The following PSD3 variants were observed in gnomAD, a reference collection of about 807,000 sequenced individuals.
The protein encoded by PSD3 is pleckstrin and Sec7 domain containing 3, also known as PH and SEC7 domain-containing protein 3.
Under a neutral mutation model 105.5 loss-of-function variants are expected in PSD3, and 49 were observed. The observed-to-expected ratio is 0.46, with a 90% confidence interval of 0.37 to 0.59. PSD3 has a LOEUF of 0.59. PSD3 is among the 20% of genes least tolerant of loss of function. The pLI is 0.00. For synonymous variants in PSD3, 557 were observed against 457.8 expected (o/e 1.22, Z -2.77); for missense variants, 1,561 against 1,263.8 (o/e 1.24, Z -3.57).
chr8:18,993,093 C>T (rs182652638), intron 1 of PSD3, among the ~76,000 whole-genome samples: 2 of 152,124 alleles, frequency 1.3e-5, no homozygotes, highest in Middle Eastern at 3.4e-3. Context: ...AGCCTCTGTC[C>T]CATTAAAATT....
chr8:18,561,488 C>G (rs970336180), intron 14 of PSD3, among the ~76,000 whole-genome samples: 5 of 151,984 alleles, frequency 3.3e-5, no homozygotes, highest in African/African-American at 1.2e-4. Flanking sequence ...TGGGGACATG[C>G]TGGTCAAAGG....
At chr8:18,648,310 T>C (rs898164215) in intron 10 of PSD3, among the ~76,000 whole-genome samples, 2 of 152,100 alleles carry the variant, frequency 1.3e-5, no homozygotes, top group African/African-American at 2.4e-5. Context: ...GTCCAGGCTG[T>C]GGAGGTATCA....
chr8:18,665,455 C>G (rs1585550384), intron 9 of PSD3, among the ~76,000 whole-genome samples: 1 of 152,136 alleles, frequency 6.6e-6, no homozygotes. Context: ...AAAACATGAA[C>G]AGATGAGGAT....
intron 8 of PSD3, among the ~76,000 whole-genome samples, chr8:18,773,113 T>C (rs1016091772): frequency 6.6e-6 from 1 of 152,208 alleles, no homozygotes; most frequent in Non-Finnish European, 1.5e-5. Flanking sequence ...CGTGATGTTT[T>C]TCCCCTATGT....
intron 1 of PSD3, among the ~76,000 whole-genome samples, chr8:19,047,321 T>G (rs1357662348): frequency 6.6e-6 from 1 of 152,158 alleles, no homozygotes; most frequent in Non-Finnish European, 1.5e-5. Context: ...TAATGCATTG[T>G]ATAGATTTCA....
At chr8:18,704,426 CTCCTGGGT>C (rs1465471241) in intron 9 of PSD3, among the ~76,000 whole-genome samples, 50 of 152,042 alleles carry the variant, frequency 3.3e-4, no homozygotes, top group African/African-American at 1.2e-3. Flanking sequence ...AAACTTCTGT[CTCCTGGGT>C]TCAAGTGATT....
At position 18,747,511 on chromosome 8, in the gene PSD3, T is replaced by C. The variant is rs775087049; in HGVS notation, c.2172+17938A>G. Among the ~76,000 whole-genome samples, 54 of 152,210 alleles carry C rather than the reference T, an allele frequency of 3.5e-4. 1 individual carries two copies. The highest frequency in any genetic ancestry group is 2.0e-4 in the Admixed American group (3 of 15,282). ...TACAGGTGAAAGCAACAGCAATCTT[T>C]CTGAATTATCAGAAAACATACCTTA... On this transcript the variant is annotated intron_variant, in intron 9 of 15. Coordinates refer to ENST00000327040, the MANE Select transcript of PSD3 (RefSeq NM_015310.4).
intron 1 of PSD3, among the ~76,000 whole-genome samples, chr8:19,008,453 TC>T (rs2078645539): frequency 6.6e-6 from 1 of 152,196 alleles, no homozygotes; most frequent in Non-Finnish European, 1.5e-5. Flanking sequence ...ACAGCAGCCA[TC>T]TAATGGCATC....
intron 1 of PSD3, among the ~76,000 whole-genome samples, chr8:19,039,130 T>C (rs987746240): frequency 2.6e-5 from 4 of 152,168 alleles, no homozygotes; most frequent in African/African-American, 9.7e-5. Context: ...TCGACGGACC[T>C]TTTTTCCCTT....
At chr8:18,897,720 T>C (rs1402526734) in intron 2 of PSD3, among the ~76,000 whole-genome samples, 1 of 152,202 alleles carries the variant, frequency 6.6e-6, no homozygotes, top group Non-Finnish European at 1.5e-5. Context: ...GACATTTCAT[T>C]TCCTTGGTTA....
chr8:19,035,215 C>T (rs1349656221), intron 1 of PSD3, among the ~76,000 whole-genome samples: 1 of 152,122 alleles, frequency 6.6e-6, no homozygotes, highest in Non-Finnish European at 1.5e-5. Context: ...TATTATAGCA[C>T]TACATAATAA....
At chr8:18,935,608 G>A (rs1292679335) in intron 2 of PSD3, among the ~76,000 whole-genome samples, 1 of 151,256 alleles carries the variant, frequency 6.6e-6, no homozygotes, top group Non-Finnish European at 1.5e-5. Flanking sequence ...GAGGCAGAAG[G>A]ATCATTTGAG....
chr8:18,758,118 A>G (rs972004791), intron 9 of PSD3, among the ~76,000 whole-genome samples: 7 of 152,212 alleles, frequency 4.6e-5, no homozygotes, highest in African/African-American at 9.6e-5. Context: ...TAACATCTGC[A>G]AAACTATAGT....
chr8:18,652,493 G>GTTTTTTTTTTTT lies in PSD3; in HGVS notation c.2216+3137_2216+3148dup, dbSNP rs67555804. On this transcript the variant is annotated intron_variant, in intron 10 of 15. Transcript: ENST00000327040. Reference sequence around the variant, plus strand: ...ACACTTTTATCAAGGAAAAAGCTTAGTTTTTTTTTTTTTTTTTTTTTTGAG... The same window carrying GTTTTTTTTTTTT: ...ACACTTTTATCAAGGAAAAAGCTTAGTTTTTTTTTTTTTTTTTTTTTTTTTTTTTTTTTTGAG... Among the ~76,000 whole-genome samples, 342 of 92,598 alleles carry GTTTTTTTTTTTT rather than the reference G, an allele frequency of 3.7e-3. 17 individuals carry two copies. Among genetic ancestry groups the GTTTTTTTTTTTT allele is most frequent in the Middle Eastern group, 0.01 (1 of 96 alleles). 60.7% of individuals were successfully genotyped at this position (92,598 alleles called of 152,430 possible).
At chr8:18,786,629 G>C (rs1203245884) in intron 8 of PSD3, 1 of 152,194 alleles carries the variant, frequency 6.6e-6, no homozygotes, top group Non-Finnish European at 1.5e-5. Flanking sequence ...ACCAACAAAA[G>C]CCAATTCAAA....
chr8:18,544,030 T>C (rs1351630822), intron 15 of PSD3, among the ~76,000 whole-genome samples: 2 of 152,062 alleles, frequency 1.3e-5, no homozygotes, highest in Non-Finnish European at 2.9e-5. Flanking sequence ...CCTGAATACA[T>C]ATCCTCCTTA....
At chr8:18,929,436 T>G (rs1009837635) in intron 2 of PSD3, among the ~76,000 whole-genome samples, 3 of 151,784 alleles carry the variant, frequency 2.0e-5, no homozygotes, top group African/African-American at 7.3e-5. Flanking sequence ...AACTGAAAAA[T>G]CATCTGCAGA....
intron 9 of PSD3, among the ~76,000 whole-genome samples, chr8:18,656,198 C>T (rs1808879900): frequency 6.6e-6 from 1 of 152,120 alleles, no homozygotes; most frequent in Admixed American, 6.5e-5. Flanking sequence ...GCTGGGATTA[C>T]AGGCGTGTGC....
chr8:18,651,041 C>G (rs1370599055), intron 10 of PSD3, among the ~76,000 whole-genome samples: 1 of 152,126 alleles, frequency 6.6e-6, no homozygotes, highest in South Asian at 2.1e-4. Context: ...TACGTAAGTA[C>G]CTTTCAAAAA....
Sources: gnomAD v4.1 joint callset for allele counts (sites outside exome capture counted in the v4.1 genomes callset) on GRCh38, gnomAD v4.1.1 for gene constraint, MANE v1.5 for transcripts, NCBI Gene and HGNC (gene_info 2026-07-23, HGNC 2026-07-21) for gene names.